Variants in ARHGEF3 observed in about 807,000 individuals in gnomAD.
ARHGEF3 encodes the protein Rho guanine nucleotide exchange factor 3.
Under a neutral mutation model 63.2 loss-of-function variants are expected in ARHGEF3, and 28 were observed. That is an observed-to-expected ratio of 0.44 (90% CI 0.33 to 0.61). The LOEUF (loss-of-function observed/expected upper bound fraction) is 0.61, where lower values mean the gene tolerates loss of function less well. ARHGEF3 is among the 20% of genes least tolerant of loss of function. The pLI is 0.03. For missense variants in ARHGEF3, 533 were observed against 659.3 expected, an observed-to-expected ratio of 0.81 and a Z score of 2.10; for synonymous variants, 266 against 254.2, an observed-to-expected ratio of 1.05 and a Z score of -0.44.
chr3:56,919,555 G>A (rs900154213), intron 3 of ARHGEF3, among the ~76,000 whole-genome samples: 1 of 152,150 alleles, frequency 6.6e-6, no homozygotes, highest in Non-Finnish European at 1.5e-5. Context: ...TGGACATTTA[G>A]CAAATACGAA....
chr3:56,768,260 T>C (rs1352307067), intron 2 of ARHGEF3, among the ~76,000 whole-genome samples: 2 of 152,130 alleles, frequency 1.3e-5, no homozygotes, highest in African/African-American at 2.4e-5. Flanking sequence ...GGTTTCGCCA[T>C]GTTGGCCAGG....
rs138593786 is a variant in ARHGEF3 at position 57,004,400 on chromosome 3, G to A, written c.62+30688C>T. Reference sequence around the variant, plus strand: ...GCTTCCTTCCTGGAATCCTTCAGTGGCTCGTCTGCATTTACCAGCCAGGTT... The same window carrying A: ...GCTTCCTTCCTGGAATCCTTCAGTGACTCGTCTGCATTTACCAGCCAGGTT... On this transcript the variant is annotated intron_variant, in intron 2 of 12. Coordinates refer to the ARHGEF3 transcript ENST00000338458. 5.3e-4 allele frequency among the ~76,000 whole-genome samples: 81 copies of A among 152,318 alleles called. No homozygotes were observed. In the East Asian group the frequency reaches 9.4e-3, roughly 18 times the overall value.
At chr3:57,074,449 G>A (rs1483316504) in intron 1 of ARHGEF3, 1 of 610,180 alleles carries the variant, frequency 1.6e-6, no homozygotes, top group East Asian at 2.8e-5. Flanking sequence ...CAATATCACA[G>A]ATGAAGAAAT....
intron 1 of ARHGEF3, among the ~76,000 whole-genome samples, chr3:56,795,269 A>G (rs1057325310): frequency 2.0e-5 from 3 of 152,152 alleles, no homozygotes; most frequent in African/African-American, 7.2e-5. Context: ...CTGGCAGCAG[A>G]TAAGAATTGG....
chr3:56,752,461 G>A (rs2034828671), intron 4 of ARHGEF3, among the ~76,000 whole-genome samples: 1 of 152,242 alleles, frequency 6.6e-6, no homozygotes, highest in African/African-American at 2.4e-5. Context: ...AAGCTGGAGT[G>A]GCCAAGGGAA....
chr3:56,731,091 C>T (rs2033121457), intron 9 of ARHGEF3, among the ~76,000 whole-genome samples: 1 of 152,190 alleles, frequency 6.6e-6, no homozygotes, highest in South Asian at 2.1e-4. Context: ...GAAACATAAG[C>T]TCTTATTTCT....
chr3:56,773,338 C>A (rs1387113284), intron 2 of ARHGEF3, among the ~76,000 whole-genome samples: 2 of 152,156 alleles, frequency 1.3e-5, no homozygotes, highest in South Asian at 2.1e-4. Context: ...CCACCCAATG[C>A]AGTTTGCCGA....
At chr3:56,936,620 C>A (rs941067227) in intron 3 of ARHGEF3, among the ~76,000 whole-genome samples, 1 of 152,156 alleles carries the variant, frequency 6.6e-6, no homozygotes, top group Non-Finnish European at 1.5e-5. Flanking sequence ...GTCTTTAGAT[C>A]CAAATTACCA....
intron 3 of ARHGEF3, among the ~76,000 whole-genome samples, chr3:56,920,284 C>T (rs1284957455): frequency 6.6e-6 from 1 of 152,124 alleles, no homozygotes; most frequent in Non-Finnish European, 1.5e-5. Flanking sequence ...GTTAAATAAC[C>T]AAACTGGTAA....
chr3:56,830,774 A>G (rs559824739), intron 4 of ARHGEF3, among the ~76,000 whole-genome samples: 1 of 152,218 alleles, frequency 6.6e-6, no homozygotes, highest in East Asian at 1.9e-4. Flanking sequence ...AGGCCAGGAC[A>G]TTTGTGCCGG....
intron 2 of ARHGEF3, among the ~76,000 whole-genome samples, chr3:56,770,649 ACT>A (rs898623520): frequency 5.9e-5 from 9 of 151,968 alleles, no homozygotes; most frequent in African/African-American, 2.2e-4. Flanking sequence ...ATGGCTGCTA[ACT>A]CTGCATACAA....
rs530857507 is a variant in ARHGEF3, at chr3:56,906,815, C to A, written c.130-24461G>T. ...TCACACTACTGTACTCCAGCCTGGG[C>A]GACAGAGCGAGACTCTGTCTCAAAA... On this transcript the variant is annotated intron_variant, in intron 3 of 12. Coordinates refer to the ARHGEF3 transcript ENST00000338458. 6.1e-5 allele frequency among the ~76,000 whole-genome samples: 9 copies of A among 146,618 alleles called. No homozygotes were observed. In the East Asian group the frequency reaches 1.8e-3, roughly 29 times the overall value.
At chr3:56,935,680 AC>A (rs1168972908) in intron 3 of ARHGEF3, among the ~76,000 whole-genome samples, 1 of 152,058 alleles carries the variant, frequency 6.6e-6, no homozygotes, top group Non-Finnish European at 1.5e-5. Context: ...GAGACCACGA[AC>A]CCACCAGAAG....
At chr3:56,808,152 T>C (rs1047140144) in intron 4 of ARHGEF3, among the ~76,000 whole-genome samples, 1 of 150,840 alleles carries the variant, frequency 6.6e-6, no homozygotes, top group African/African-American at 2.4e-5. Flanking sequence ...TATCCCCGGA[T>C]AGTCTAAAGC....
intron 4 of ARHGEF3, among the ~76,000 whole-genome samples, chr3:56,849,868 C>T (rs995283502): frequency 1.3e-5 from 2 of 152,148 alleles, no homozygotes; most frequent in Non-Finnish European, 2.9e-5. Context: ...TTTCCCGCTC[C>T]GAGGGCCACT....
At chr3:56,908,910 T>A (rs1170968712) in intron 3 of ARHGEF3, among the ~76,000 whole-genome samples, 1 of 152,210 alleles carries the variant, frequency 6.6e-6, no homozygotes, top group Non-Finnish European at 1.5e-5. Flanking sequence ...CATGCACATG[T>A]ATGTTCTATC....
At chr3:57,011,181 A>T (rs550435393) in intron 2 of ARHGEF3, among the ~76,000 whole-genome samples, 1 of 152,332 alleles carries the variant, frequency 6.6e-6, no homozygotes, top group South Asian at 2.1e-4. Context: ...AAACAGAAGC[A>T]CAGTTGATGA....
intron 3 of ARHGEF3, among the ~76,000 whole-genome samples, chr3:56,896,500 A>G (rs928648395): frequency 6.6e-6 from 1 of 152,234 alleles, no homozygotes. Context: ...GGTGCCAACT[A>G]TTCCAATAAA....
At chr3:56,980,498 G>GGGACCATATATA (rs1701285161) in intron 2 of ARHGEF3, among the ~76,000 whole-genome samples, 1 of 152,120 alleles carries the variant, frequency 6.6e-6, no homozygotes, top group Admixed American at 6.5e-5. Flanking sequence ...ATTGTGGGTC[G>GGGACCATATATA]GGACCATATA....
Sources: gnomAD v4.1 joint callset for allele counts (sites outside exome capture counted in the v4.1 genomes callset) on GRCh38, gnomAD v4.1.1 for gene constraint, MANE v1.5 for transcripts, NCBI Gene and HGNC (gene_info 2026-07-23, HGNC 2026-07-21) for gene names.